Variants in MYH11 observed in about 807,000 individuals in gnomAD.
The protein encoded by MYH11 is myosin heavy chain 11.
Under a neutral mutation model 246.6 loss-of-function variants are expected in MYH11, and 80 were observed. The ratio of observed to expected loss-of-function variants is 0.32; its 90% CI spans 0.27 to 0.39. MYH11 has a LOEUF of 0.39. Ranked by LOEUF, MYH11 falls within the 10% of genes least tolerant of loss-of-function variation. The pLI, the probability that MYH11 is intolerant of heterozygous loss-of-function variation, is 1.00. For missense variants in MYH11, 2,158 were observed against 2,546.8 expected, an observed-to-expected ratio of 0.85 and a Z score of 3.29; for synonymous variants, 1,071 against 1,015.5, an observed-to-expected ratio of 1.05 and a Z score of -1.04.
chr16:15,831,411 GA>G lies in MYH11; in HGVS notation c.345+6496del, dbSNP rs929165468. 9.3e-5 allele frequency among the ~76,000 whole-genome samples: 14 copies of G among 150,890 alleles called. No homozygotes were observed. In the South Asian group the frequency reaches 1.7e-3, roughly 18 times the overall value. ...AAAAACTATAAGGTAGGGTTAAGTGGAAAAAAAATCATACTGCAAAACATAC... is the reference window on the plus strand; with the variant it reads ...AAAAACTATAAGGTAGGGTTAAGTGGAAAAAAATCATACTGCAAAACATAC... On this transcript the variant is annotated intron_variant, in intron 2 of 40. Transcript: ENST00000300036.
intron 34 of MYH11, 69 bp from the exon 35 acceptor site, chr16:15,719,782 C>A: frequency 6.3e-7 from 1 of 1,599,536 alleles, no homozygotes; most frequent in Non-Finnish European, 8.5e-7. Flanking sequence ...CCCAGTTCAG[C>A]TTTGCACACC....
chr16:15,829,184 G>GAA (rs34486570), intron 2 of MYH11, among the ~76,000 whole-genome samples: 1 of 125,118 alleles, frequency 8.0e-6, no homozygotes, highest in Admixed American at 7.9e-5. Context: ...CTGTCTCAAA[G>GAA]AAAAAAAAAA....
rs188548005 is a variant in MYH11 at position 15,773,142 on chromosome 16, C to G, written c.890-1430G>C. On this transcript the variant is annotated intron_variant, in intron 8 of 40. Transcript: ENST00000300036. ...TCCTCAGTGCCAAAAGTAACAGGTG[C>G]TTTTGGCCTATTGGAAGACCAGAGG... Among the ~76,000 whole-genome samples, 704 of 151,980 alleles carry G rather than the reference C, an allele frequency of 4.6e-3. 14 individuals are homozygous for G. The highest frequency in any genetic ancestry group is 0.041 in the Admixed American group (624 of 15,266).
intron 4 of MYH11, 143 bp from the exon 5 acceptor site, chr16:15,786,875 C>T: frequency 1.2e-6 from 1 of 804,446 alleles, no homozygotes; most frequent in Non-Finnish European, 2.1e-6. Flanking sequence ...GTAACTTGCC[C>T]AAGGCCACAT....
chr16:15,770,709 G>A (rs754496190), intron 9 of MYH11, among the ~76,000 whole-genome samples: 7 of 151,982 alleles, frequency 4.6e-5, no homozygotes, highest in Non-Finnish European at 1.0e-4. Context: ...ACCACCCTGC[G>A]CTTTCCACAA....
At chr16:15,725,485 C>T (rs541566058) in intron 28 of MYH11, 15 of 428,716 alleles carry the variant, frequency 3.5e-5, no homozygotes, top group South Asian at 8.6e-5. Flanking sequence ...AAGCCAGAGA[C>T]GCAGGCCCTA....
At position 15,838,010 on chromosome 16, in the gene MYH11, T is replaced by C. The variant is rs1336135964; in HGVS notation, c.243A>G (p.Pro81=). The part of the protein sequence containing the change: ...VGKDDIQKMN[P]PKFSKVEDMA... ...TGTCCTCCACCTTGGAGAACTTGGG[T>C]GGGTTCATCTTCTGGATGTCATCTT... Residue 81 remains proline, a synonymous_variant, in exon 2 of 41, where the codon CCA becomes CCG. Transcript: ENST00000300036. 3 of 1,614,034 alleles carry C rather than the reference T, an allele frequency of 1.9e-6. No individual in the cohort carries two copies. Among genetic ancestry groups the C allele is most frequent in the Non-Finnish European group, 2.5e-6 (3 of 1,179,982 alleles).
intron 12 of MYH11, among the ~76,000 whole-genome samples, chr16:15,759,284 C>G (rs1175056941): frequency 6.7e-6 from 1 of 149,394 alleles, no homozygotes; most frequent in East Asian, 2.0e-4. Context: ...GGAGAGCCTG[C>G]TTGAGAATGG....
intron 5 of MYH11, 125 bp from the exon 6 acceptor site, chr16:15,782,602 C>A: frequency 1.4e-6 from 1 of 721,112 alleles, no homozygotes; most frequent in Non-Finnish European, 2.5e-6. Flanking sequence ...CCTACCTCCT[C>A]TTAGACCCTG....
chr16:15,723,171 A>G (rs1347321862), intron 31 of MYH11, among the ~76,000 whole-genome samples: 1 of 152,200 alleles, frequency 6.6e-6, no homozygotes, highest in African/African-American at 2.4e-5. Flanking sequence ...TTATCGTACA[A>G]TTAAGATTTG....
At chr16:15,776,376 A>C (rs1445730027) in intron 7 of MYH11, among the ~76,000 whole-genome samples, 200 bp from the exon 8 acceptor site, 1 of 152,172 alleles carries the variant, frequency 6.6e-6, no homozygotes, top group African/African-American at 2.4e-5. Context: ...TGCAAAAAAA[A>C]GGGAGGGGAA....
intron 3 of MYH11, among the ~76,000 whole-genome samples, chr16:15,803,401 C>T (rs377659814): frequency 1.7e-4 from 26 of 151,918 alleles, no homozygotes; most frequent in African/African-American, 3.1e-4. Context: ...CTCGGCCCCC[C>T]GAGTAGCTGG....
chr16:15,761,030 T>C (rs1047722590), intron 10 of MYH11, among the ~76,000 whole-genome samples: 4 of 152,202 alleles, frequency 2.6e-5, no homozygotes, highest in African/African-American at 9.6e-5. Flanking sequence ...CTTCGGTACC[T>C]TGTTGGTACC....
intron 9 of MYH11, among the ~76,000 whole-genome samples, chr16:15,765,674 G>A (rs566961780): frequency 2.0e-5 from 3 of 152,066 alleles, no homozygotes; most frequent in Admixed American, 6.6e-5. Context: ...CTATTCTCAC[G>A]CCATGGGGTC....
chr16:15,849,948 C>T (rs1219684260), intron 1 of MYH11, among the ~76,000 whole-genome samples: 1 of 152,144 alleles, frequency 6.6e-6, no homozygotes, highest in African/African-American at 2.4e-5. Context: ...TTTTATGGGA[C>T]CCGTCTGTGA....
At position 15,735,542 on chromosome 16, in the gene MYH11, C is replaced by T. The variant is rs762640628; in HGVS notation, c.3330G>A (p.Leu1110=). ...GGCCCTCCAGCTCCCGGATCTTCTT[C>T]AGGGCATTGTTCTTCTGAGCGATTT... ...DDEIAQKNNA[L]KKIRELEGHI... Residue 1110 remains leucine (L), a synonymous_variant, in exon 26 of 41, where the codon CTG becomes CTA. Coordinates refer to ENST00000300036, the MANE Select transcript of MYH11 (RefSeq NM_002474.3). 2 of 1,614,216 alleles carry T rather than the reference C, an allele frequency of 1.2e-6. No individual in the cohort carries two copies. Among genetic ancestry groups the T allele is most frequent in the East Asian group, 4.5e-5 (2 of 44,882 alleles).
chr16:15,797,460 G>C (rs1284283943), intron 4 of MYH11, among the ~76,000 whole-genome samples: 1 of 151,494 alleles, frequency 6.6e-6, no homozygotes, highest in Non-Finnish European at 1.5e-5. Context: ...CTCACTCTTT[G>C]TAGTGGCTAC....
chr16:15,767,511 G>A (rs749783988), intron 9 of MYH11, among the ~76,000 whole-genome samples: 2 of 151,828 alleles, frequency 1.3e-5, no homozygotes, highest in East Asian at 1.9e-4. Context: ...TGTGGATACC[G>A]GGGTCTCACT....
At chr16:15,805,259 G>A (rs144351325) in intron 3 of MYH11, among the ~76,000 whole-genome samples, 1 of 152,318 alleles carries the variant, frequency 6.6e-6, no homozygotes, top group African/African-American at 2.4e-5. Context: ...TGGAGGAAAA[G>A]TGCTTTGAGA....
Sources: gnomAD v4.1 joint callset for allele counts (sites outside exome capture counted in the v4.1 genomes callset) on GRCh38, gnomAD v4.1.1 for gene constraint, MANE v1.5 for transcripts, NCBI Gene and HGNC (gene_info 2026-07-23, HGNC 2026-07-21) for gene names.